Variants in LRRC8D observed in about 807,000 individuals in gnomAD.
LRRC8D encodes leucine rich repeat containing 8 VRAC subunit D, also known as volume-regulated anion channel subunit LRRC8D.
In LRRC8D, 20 loss-of-function variants were observed where a neutral mutation model predicts 55.8. The observed-to-expected ratio is 0.36, with a 90% CI of 0.25 to 0.52. The LOEUF is 0.52. Among genes scored for constraint, LRRC8D ranks in the 20% least tolerant of loss-of-function variants. The probability of loss-of-function intolerance (pLI) is 0.93; values close to 1 mark genes in which losing one functional copy is unlikely to be tolerated. For synonymous variants in LRRC8D, 352 were observed against 377.0 expected (o/e 0.93, Z 0.77); for missense variants, 651 against 1,030.8 (o/e 0.63, Z 5.05).
At position 89,935,967 on chromosome 1, in the gene LRRC8D, A is replaced by C. The variant is rs1163295121; in HGVS notation, c.*322A>C. ...AATGTTTACAAATTGCTTGCCTGCT[A>C]AAGTAAATGATTAAATTGACATTTT... On this transcript the variant is annotated 3_prime_UTR_variant, in exon 3 of 3. Transcript: ENST00000337338. The C allele has an allele frequency of 4.4e-6, 1 of 225,398 alleles. No homozygotes were observed. The highest frequency in any genetic ancestry group is 9.5e-6 in the Non-Finnish European group (1 of 105,588). 14.0% of individuals were successfully genotyped at this position (225,398 alleles called of 1,614,324 possible).
At position 89,935,847 on chromosome 1, in the gene LRRC8D, T is replaced by G. The variant is rs988148205; in HGVS notation, c.*202T>G. ...TTTTAAGTCATTCATTTCCAAATCA[T>G]TTTTTTTTTTCTTTTGGGGAAAGGG... On this transcript the variant is annotated 3_prime_UTR_variant, in exon 3 of 3. Transcript: ENST00000337338. 2.1e-4 allele frequency: 52 copies of G among 249,518 alleles called. No homozygotes were observed. Among genetic ancestry groups the G allele is most frequent in the African/African-American group, 6.4e-4 (26 of 40,794 alleles). 15.5% of individuals were successfully genotyped at this position (249,518 alleles called of 1,614,324 possible).
At chr1:89,866,120 T>G (rs1354453355) in intron 2 of LRRC8D, among the ~76,000 whole-genome samples, 2 of 152,242 alleles carry the variant, frequency 1.3e-5, no homozygotes, top group Admixed American at 1.3e-4. Context: ...TTCTGCAGAT[T>G]ATGTATCAAG....
chr1:89,881,562 T>G (rs1662284314), intron 2 of LRRC8D, among the ~76,000 whole-genome samples: 1 of 151,998 alleles, frequency 6.6e-6, no homozygotes, highest in African/African-American at 2.4e-5. Context: ...TTAACAAAAC[T>G]GTGGTTTGTC....
rs774933704 is a variant in LRRC8D, at chr1:89,933,186, A to G, written c.118A>G (p.Ile40Val). 1.2e-6 allele frequency: 2 copies of G among 1,614,226 alleles called. No individual in the cohort carries two copies. Among genetic ancestry groups the G allele is most frequent in the Non-Finnish European group, 1.7e-6 (2 of 1,180,036 alleles). ...AGCTGTTGTTATGTTAATGGTAGCC[A>G]TCTTTGCAGGAACCATGCAACTTAC... ...YLAVVMLMVA[I>V]FAGTMQLTKD... Residue 40 changes from isoleucine (I) to valine (V), a missense_variant, in exon 3 of 3, where the codon ATC (isoleucine) becomes GTC (valine). Around this residue, in one of 5 missense-constraint regions of LRRC8D, gnomAD observed 118 missense variants for 138.0 expected, o/e 0.85. Transcript: ENST00000337338. This position sits in a 1 kb window ranked among gnomAD's most constrained non-coding sequence, Gnocchi z 7.0.
intron 2 of LRRC8D, among the ~76,000 whole-genome samples, chr1:89,851,968 A>G (rs1170943544): frequency 1.3e-5 from 2 of 151,840 alleles, no homozygotes. Flanking sequence ...CTTGGCCAAT[A>G]GTTATAGGAT....
chr1:89,856,351 CT>C (rs1182818686), intron 2 of LRRC8D, among the ~76,000 whole-genome samples: 1 of 152,142 alleles, frequency 6.6e-6, no homozygotes, highest in African/African-American at 2.4e-5. Flanking sequence ...CACACACACT[CT>C]CAGGTAAGGA....
intron 2 of LRRC8D, among the ~76,000 whole-genome samples, chr1:89,866,841 G>T (rs1661862485): frequency 6.6e-6 from 1 of 152,148 alleles, no homozygotes; most frequent in Non-Finnish European, 1.5e-5. Context: ...AGCAAGGAGA[G>T]TTAAGGGCGG....
At chr1:89,874,262 G>T (rs78388663) in intron 2 of LRRC8D, among the ~76,000 whole-genome samples, 1 of 152,096 alleles carries the variant, frequency 6.6e-6, no homozygotes, top group Non-Finnish European at 1.5e-5. Context: ...CCCTAAATTC[G>T]GAGGCAGAGG....
chr1:89,847,780 T>C (rs1410611162), intron 2 of LRRC8D, among the ~76,000 whole-genome samples: 1 of 152,248 alleles, frequency 6.6e-6, no homozygotes, highest in African/African-American at 2.4e-5. Context: ...GTTCACTGTT[T>C]TACTTCGTAT....
At chr1:89,851,564 C>T (rs2100767761) in intron 2 of LRRC8D, among the ~76,000 whole-genome samples, 1 of 151,022 alleles carries the variant, frequency 6.6e-6, no homozygotes, top group East Asian at 2.0e-4. Context: ...GGCTGGAGTG[C>T]AATGGCACAA....
intron 2 of LRRC8D, among the ~76,000 whole-genome samples, chr1:89,851,513 CT>C (rs375812263): frequency 0.01 from 1,463 of 143,988 alleles, 26 homozygotes; most frequent in African/African-American, 0.031. Flanking sequence ...CTTTCTTTTT[CT>C]TTTTTTTTTT....
At chr1:89,827,427 T>G (rs1478547584) in intron 1 of LRRC8D, among the ~76,000 whole-genome samples, 1 of 151,878 alleles carries the variant, frequency 6.6e-6, no homozygotes, top group Non-Finnish European at 1.5e-5. Flanking sequence ...TTCCCCCAAA[T>G]TCGTGGGCAC....
intron 2 of LRRC8D, among the ~76,000 whole-genome samples, chr1:89,889,954 G>A (rs931191883): frequency 6.6e-6 from 1 of 152,152 alleles, no homozygotes; most frequent in Non-Finnish European, 1.5e-5. Flanking sequence ...TTGGGAGGCC[G>A]AGGTGGGTGG....
At chr1:89,882,788 A>G (rs564817890) in intron 2 of LRRC8D, among the ~76,000 whole-genome samples, 3 of 152,200 alleles carry the variant, frequency 2.0e-5, no homozygotes, top group Non-Finnish European at 4.4e-5. Context: ...AGAAAGTGTG[A>G]CATTTGAGCC....
At chr1:89,859,074 C>A (rs1276704260) in intron 2 of LRRC8D, among the ~76,000 whole-genome samples, 1 of 147,940 alleles carries the variant, frequency 6.8e-6, no homozygotes, top group African/African-American at 2.7e-5. Flanking sequence ...ATTTTCTTTA[C>A]AAAATTTTTG....
chr1:89,866,491 T>A (rs998259712), intron 2 of LRRC8D, among the ~76,000 whole-genome samples: 1 of 152,204 alleles, frequency 6.6e-6, no homozygotes, highest in African/African-American at 2.4e-5. Flanking sequence ...TTTTTAGAGA[T>A]CCTTAGACCC....
At chr1:89,833,521 G>T (rs988601679) in intron 1 of LRRC8D, among the ~76,000 whole-genome samples, 1 of 152,198 alleles carries the variant, frequency 6.6e-6, no homozygotes, top group Non-Finnish European at 1.5e-5. Context: ...GAGGCAGTGG[G>T]AAGGACCTAG....
At chr1:89,890,789 A>G (rs1243090360) in intron 2 of LRRC8D, among the ~76,000 whole-genome samples, 1 of 152,212 alleles carries the variant, frequency 6.6e-6, no homozygotes, top group Non-Finnish European at 1.5e-5. Flanking sequence ...CAGTTTTCCT[A>G]CTAATGTCCT....
intron 2 of LRRC8D, among the ~76,000 whole-genome samples, chr1:89,932,518 T>A (rs1442438213): frequency 6.6e-6 from 1 of 152,218 alleles, no homozygotes; most frequent in African/African-American, 2.4e-5. Context: ...GTTACAATCA[T>A]TACTTAATTT....
Sources: gnomAD v4.1 joint callset for allele counts (sites outside exome capture counted in the v4.1 genomes callset) on GRCh38, gnomAD v4.1.1 for gene constraint, gnomAD v4.1.1 regional missense constraint, Gnocchi (gnomAD v3.1) non-coding constraint, MANE v1.5 for transcripts, NCBI Gene and HGNC (gene_info 2026-07-23, HGNC 2026-07-21) for gene names.